TBC1D30: variants seen among roughly 807,000 people sequenced by gnomAD.
The protein encoded by TBC1D30 is TBC1 domain family member 30.
In TBC1D30, 31 loss-of-function variants were observed where a neutral mutation model predicts 63.2. That is an observed-to-expected ratio of 0.49 (90% CI 0.37 to 0.66). The LOEUF is 0.66. Among genes scored for constraint, TBC1D30 ranks in the 30% least tolerant of loss-of-function variants. The pLI is 0.00. For synonymous variants in TBC1D30, 307 were observed against 361.5 expected (o/e 0.85, Z 1.71); for missense variants, 810 against 953.6 (o/e 0.85, Z 1.98).
chr12:64,832,138 G>A lies in TBC1D30; in HGVS notation c.428G>A (p.Cys143Tyr). 1.3e-6 allele frequency: 2 copies of A among 1,535,858 alleles called. No homozygotes were observed. The highest frequency in any genetic ancestry group is 2.4e-5 in the South Asian group (2 of 84,024). The change falls in exon 5 of 12, where the codon TGT (cysteine) becomes TAT (tyrosine). Residue 143 changes from cysteine (C) to tyrosine (Y), a missense_variant. Cys to Tyr is a radical substitution (Grantham distance 194). This residue lies in a region of TBC1D30 where 272 missense variants were observed against 335.9 expected (regional missense o/e 0.81). Transcript: ENST00000539867. The stretch of plus-strand genomic sequence containing the variant: ...ATTTAGGACCTTCACCGCACAGGCT[G>A]TAGTTCTTACTGTGGCCAGGAGGCT... ...QIVKDLHRTGCSSYCGQEAEQ... is the reference protein window; with the variant it reads ...QIVKDLHRTGYSSYCGQEAEQ...
intron 2 of TBC1D30, among the ~76,000 whole-genome samples, chr12:64,786,470 T>C (rs183889141): frequency 3.9e-5 from 6 of 152,062 alleles, no homozygotes; most frequent in Admixed American, 3.3e-4. Context: ...TAGCTGGAAC[T>C]ACAGGCGCCC....
chr12:64,866,214 A>T (rs534671613), intron 9 of TBC1D30, among the ~76,000 whole-genome samples: 2 of 152,314 alleles, frequency 1.3e-5, no homozygotes, highest in Non-Finnish European at 2.9e-5. Context: ...AAGAGCATAT[A>T]TAGTATGCTA....
At chr12:64,870,865 GA>G in intron 11 of TBC1D30, 57 bp downstream of exon 11, 1 of 1,509,006 alleles carries the variant, frequency 6.6e-7, no homozygotes, top group Admixed American at 2.0e-5. Context: ...GTAAAATGAA[GA>G]ACAAATAATC....
chr12:64,774,907 A>C (rs1345192051), intron 1 of TBC1D30, among the ~76,000 whole-genome samples: 1 of 152,082 alleles, frequency 6.6e-6, no homozygotes, highest in Non-Finnish European at 1.5e-5. Flanking sequence ...AGTCTGGGCA[A>C]CATGGTGAAT....
At chr12:64,780,644 G>A (rs761645899) in exon 1 of TBC1D30, among the ~76,000 whole-genome samples, 11 of 152,104 alleles carry the variant, frequency 7.2e-5, no homozygotes, top group Non-Finnish European at 1.2e-4. Flanking sequence ...AGCGGCTCAG[G>A]TGCCGGCTCG....
chr12:64,762,427 G>A (rs116216566), intron 1 of TBC1D30, among the ~76,000 whole-genome samples: 1 of 152,284 alleles, frequency 6.6e-6, no homozygotes, highest in African/African-American at 2.4e-5. Context: ...ATGGGTGAGG[G>A]TAGACCAATT....
intron 8 of TBC1D30, among the ~76,000 whole-genome samples, chr12:64,857,394 G>A (rs987767658): frequency 1.3e-5 from 2 of 152,068 alleles, no homozygotes; most frequent in African/African-American, 4.8e-5. Context: ...TGGGAGCTAG[G>A]GCCTGGAATA....
At chr12:64,835,148 T>C (rs566518225) in intron 5 of TBC1D30, among the ~76,000 whole-genome samples, 26 of 152,302 alleles carry the variant, frequency 1.7e-4, no homozygotes, top group African/African-American at 6.0e-4. Flanking sequence ...TACTCCTTTC[T>C]TGTTGCTGAG....
chr12:64,840,754 T>C (rs1875802072), intron 7 of TBC1D30, among the ~76,000 whole-genome samples: 1 of 152,230 alleles, frequency 6.6e-6, no homozygotes. Context: ...CTTTTAATAA[T>C]GTGAATCTAC....
chr12:64,809,603 C>G (rs1482090692), intron 2 of TBC1D30, among the ~76,000 whole-genome samples: 1 of 152,212 alleles, frequency 6.6e-6, no homozygotes, highest in Non-Finnish European at 1.5e-5. Flanking sequence ...TATTAACACC[C>G]TGTAGTTAAT....
At chr12:64,763,973 T>A (rs925951632) in intron 1 of TBC1D30, among the ~76,000 whole-genome samples, 3 of 152,200 alleles carry the variant, frequency 2.0e-5, no homozygotes, top group African/African-American at 7.2e-5. Flanking sequence ...TTTTTCCTAA[T>A]CATTATAATA....
At chr12:64,855,809 G>A (rs34696986) in intron 8 of TBC1D30, among the ~76,000 whole-genome samples, 10,929 of 152,166 alleles carry the variant, frequency 0.072, 761 homozygotes, top group African/African-American at 0.18. Flanking sequence ...GCTTTATTTA[G>A]TTCATTTGGT....
At chr12:64,792,902 T>C (rs752451789) in intron 2 of TBC1D30, among the ~76,000 whole-genome samples, 2 of 151,944 alleles carry the variant, frequency 1.3e-5, no homozygotes, top group African/African-American at 2.4e-5. Flanking sequence ...ATCAACTAGG[T>C]TGGGGGAGAG....
At chr12:64,862,961 C>A (rs1366675555) in intron 8 of TBC1D30, among the ~76,000 whole-genome samples, 1 of 152,122 alleles carries the variant, frequency 6.6e-6, no homozygotes, top group Non-Finnish European at 1.5e-5. Flanking sequence ...GAGAGGATTT[C>A]ACATCTCTTG....
intron 2 of TBC1D30, 128 bp downstream of exon 2, chr12:64,828,024 A>G (rs1874517121): frequency 2.8e-6 from 2 of 711,330 alleles, no homozygotes; most frequent in African/African-American, 1.8e-5. Flanking sequence ...ACAATATTTC[A>G]GTTAAAGTAG....
At chr12:64,847,969 G>A (rs200709523) in intron 8 of TBC1D30, among the ~76,000 whole-genome samples, 3,493 of 150,014 alleles carry the variant, frequency 0.023, 83 homozygotes, top group South Asian at 0.089. Context: ...GTCCAATGCC[G>A]AAAGTAGGGT....
intron 1 of TBC1D30, chr12:64,825,259 G>C (rs750352144): frequency 6.0e-6 from 3 of 499,088 alleles, no homozygotes; most frequent in African/African-American, 4.0e-5. Context: ...CGGAGAACCC[G>C]CTGCTTCCAC....
chr12:64,798,088 G>A (rs1872386099), intron 2 of TBC1D30, among the ~76,000 whole-genome samples: 1 of 152,194 alleles, frequency 6.6e-6, no homozygotes, highest in Admixed American at 6.5e-5. Flanking sequence ...AGACAGAATT[G>A]AAAGTACTTT....
chr12:64,796,496 A>G (rs999059313), intron 2 of TBC1D30, among the ~76,000 whole-genome samples: 1 of 152,136 alleles, frequency 6.6e-6, no homozygotes, highest in Non-Finnish European at 1.5e-5. Context: ...TATTGCCACA[A>G]GGGTAAGACA....
Sources: allele counts gnomAD v4.1 joint callset (sites outside exome capture counted in the v4.1 genomes callset), GRCh38; gene constraint gnomAD v4.1.1; regional missense constraint gnomAD v4.1.1; transcripts MANE v1.5; gene names NCBI Gene and HGNC (gene_info 2026-07-23, HGNC 2026-07-21).